Variants in POC1A observed in about 807,000 individuals in gnomAD.
POC1A encodes the protein POC1 centriolar protein homolog A.
POC1A carries 34 observed loss-of-function variants against 47.8 expected under a neutral mutation model. That is an observed-to-expected ratio of 0.71 (90% CI 0.54 to 0.95). The LOEUF (loss-of-function observed/expected upper bound fraction) is 0.95, where lower values mean the gene tolerates loss of function less well. Ranked by LOEUF, POC1A falls within the 40% of genes least tolerant of loss-of-function variation. The probability of loss-of-function intolerance (pLI) is 0.00; values close to 1 mark genes in which losing one functional copy is unlikely to be tolerated. For synonymous variants in POC1A, 177 were observed against 207.6 expected (o/e 0.85, Z 1.27); for missense variants, 466 against 528.3 (o/e 0.88, Z 1.16).
chr3:52,123,504 T>TGG (rs200222946), intron 8 of POC1A, among the ~76,000 whole-genome samples: 2,446 of 152,258 alleles, frequency 0.016, 49 homozygotes, highest in Non-Finnish European at 0.02. Context: ...GACGCAGCTG[T>TGG]GAGCCTCGTT....
rs1029613129 is a variant in POC1A at position 52,141,905 on chromosome 3, G to A, written c.680-3603C>T. Among the ~76,000 whole-genome samples, 3 of 152,136 alleles carry A rather than the reference G, an allele frequency of 2.0e-5. No homozygotes were observed. In the East Asian group the frequency reaches 5.8e-4, roughly 29 times the overall value. ...GGCGGGGGTGCAGGGCTGCACTAAA[G>A]ACCATCGGACAGAGAGCTTGGGACT... On this transcript the variant is annotated intron_variant, in intron 6 of 10. Coordinates refer to ENST00000296484, the MANE Select transcript of POC1A (RefSeq NM_015426.5).
chr3:52,093,467 C>T (rs1702708845), intron 10 of POC1A, among the ~76,000 whole-genome samples: 1 of 152,196 alleles, frequency 6.6e-6, no homozygotes, highest in African/African-American at 2.4e-5. Flanking sequence ...CCCCTGGCCC[C>T]CAAGCCTTGG....
intron 9 of POC1A, among the ~76,000 whole-genome samples, chr3:52,119,971 A>G (rs954956262): frequency 6.6e-6 from 1 of 152,028 alleles, no homozygotes; most frequent in Non-Finnish European, 1.5e-5. Flanking sequence ...TGGGCTCCCT[A>G]TGGGGTTGAG....
chr3:52,078,855 G>C (rs1702199209), intron 10 of POC1A, among the ~76,000 whole-genome samples: 1 of 152,254 alleles, frequency 6.6e-6, no homozygotes, highest in African/African-American at 2.4e-5. Flanking sequence ...GGGGAAGGAA[G>C]GGGTTCCCCC....
At chr3:52,111,518 G>A (rs1703381415) in intron 9 of POC1A, among the ~76,000 whole-genome samples, 1 of 152,044 alleles carries the variant, frequency 6.6e-6, no homozygotes, top group Non-Finnish European at 1.5e-5. Flanking sequence ...GTAGTGGCAG[G>A]TGCCTGTAAT....
intron 9 of POC1A, among the ~76,000 whole-genome samples, chr3:52,116,705 T>C (rs1703577690): frequency 6.6e-6 from 1 of 152,112 alleles, no homozygotes; most frequent in Admixed American, 6.5e-5. Flanking sequence ...ACACATAATC[T>C]CCTGGATTGG....
chr3:52,114,367 G>C (rs924054584), intron 9 of POC1A, among the ~76,000 whole-genome samples: 2 of 152,222 alleles, frequency 1.3e-5, no homozygotes, highest in Non-Finnish European at 2.9e-5. Context: ...GGTCTGCAGG[G>C]GGATTACATG....
intron 9 of POC1A, among the ~76,000 whole-genome samples, chr3:52,114,790 C>G (rs1168077009): frequency 2.0e-5 from 3 of 152,212 alleles, no homozygotes; most frequent in African/African-American, 7.2e-5. Flanking sequence ...CCACTGTTCC[C>G]AAGTCATCCC....
intron 7 of POC1A, among the ~76,000 whole-genome samples, chr3:52,132,168 T>A (rs1031825731): frequency 1.3e-5 from 2 of 152,020 alleles, no homozygotes; most frequent in African/African-American, 4.8e-5. Context: ...GTCTCACAGA[T>A]AAGAAAAGAG....
intron 9 of POC1A, among the ~76,000 whole-genome samples, chr3:52,119,016 TG>T (rs1703671998): frequency 1.3e-5 from 2 of 151,930 alleles, no homozygotes; most frequent in African/African-American, 4.8e-5. Context: ...TTTTTTTTTT[TG>T]GTTGTTTACC....
chr3:52,115,699 C>T (rs867549037), intron 9 of POC1A, among the ~76,000 whole-genome samples: 4 of 152,050 alleles, frequency 2.6e-5, no homozygotes, highest in African/African-American at 7.2e-5. Flanking sequence ...TTCCACCACG[C>T]GAGGACACAG....
At chr3:52,133,271 G>A (rs143672043) in intron 7 of POC1A, among the ~76,000 whole-genome samples, 4 of 152,238 alleles carry the variant, frequency 2.6e-5, no homozygotes, top group Non-Finnish European at 4.4e-5. Context: ...GCCCCATCTC[G>A]GAAGCAGAGG....
chr3:52,126,397 G>A (rs1704002599), intron 7 of POC1A, among the ~76,000 whole-genome samples: 1 of 152,220 alleles, frequency 6.6e-6, no homozygotes, highest in Non-Finnish European at 1.5e-5. Context: ...ACACTGGACA[G>A]CAGGGAGTAT....
chr3:52,106,718 T>C (rs977991736), intron 9 of POC1A, among the ~76,000 whole-genome samples: 5 of 152,158 alleles, frequency 3.3e-5, no homozygotes, highest in Non-Finnish European at 7.4e-5. Context: ...TTCACCTGTG[T>C]TGCTCGCAGG....
chr3:52,092,564 G>A (rs556437663), intron 10 of POC1A, among the ~76,000 whole-genome samples: 13 of 152,240 alleles, frequency 8.5e-5, no homozygotes, highest in Admixed American at 1.3e-4. Context: ...TCCACAAAGG[G>A]AAGTCCTTGG....
intron 8 of POC1A, among the ~76,000 whole-genome samples, chr3:52,124,178 A>G (rs1050486738): frequency 1.3e-5 from 2 of 152,246 alleles, no homozygotes; most frequent in Admixed American, 1.3e-4. Context: ...TCGGCCATCC[A>G]TCAGGTCAAC....
chr3:52,141,211 G>A (rs1305783774), intron 6 of POC1A, among the ~76,000 whole-genome samples: 2 of 152,242 alleles, frequency 1.3e-5, no homozygotes, highest in African/African-American at 2.4e-5. Context: ...GGTGGTCTAA[G>A]CAGAGACCTG....
chr3:52,093,646 A>C (rs1249738316), intron 10 of POC1A, among the ~76,000 whole-genome samples: 1 of 152,248 alleles, frequency 6.6e-6, no homozygotes, highest in East Asian at 1.9e-4. Context: ...GACTTGCCCA[A>C]GGTCACTGAG....
chr3:52,136,600 T>C (rs1704477114), intron 7 of POC1A, among the ~76,000 whole-genome samples: 1 of 152,204 alleles, frequency 6.6e-6, no homozygotes, highest in African/African-American at 2.4e-5. Flanking sequence ...CTCTGGGCAT[T>C]GTGAGCCTGG....
Sources: allele counts gnomAD v4.1 joint callset (sites outside exome capture counted in the v4.1 genomes callset), GRCh38; gene constraint gnomAD v4.1.1; transcripts MANE v1.5; gene names NCBI Gene and HGNC (gene_info 2026-07-23, HGNC 2026-07-21).